BLTP1: variants seen among roughly 807,000 people sequenced by gnomAD.
The protein encoded by BLTP1 is bridge-like lipid transfer protein family member 1.
chr4:122,190,146 G>T, the BLTP1 span: 1 of 1,591,960 alleles, frequency 6.3e-7, no homozygotes. Flanking sequence ...ACACAGGCTG[G>T]AATGCAGTGG....
At chr4:122,225,571 C>G in the BLTP1 span, 1 of 151,842 alleles carries the variant, frequency 6.6e-6, no homozygotes, top group East Asian at 1.9e-4. Flanking sequence ...GCCCTTTATA[C>G]CTGGAAGAAA....
At chr4:122,190,361 G>T in the BLTP1 span, 4 of 867,550 alleles carry the variant, frequency 4.6e-6, no homozygotes, top group Non-Finnish European at 5.5e-6. Context: ...CTCCCAAAGT[G>T]CTGGGATTGT....
chr4:122,238,279 A>G, the BLTP1 span: 59 of 1,614,024 alleles, frequency 3.7e-5, no homozygotes, highest in Non-Finnish European at 4.5e-5. Flanking sequence ...AAAGTCCTTC[A>G]TCTGTTGCTG....
chr4:122,195,523 A>G, the BLTP1 span: 2 of 152,150 alleles, frequency 1.3e-5, no homozygotes, highest in African/African-American at 2.4e-5. Flanking sequence ...GACAGATGTA[A>G]TGAACTCATT....
At chr4:122,160,819 C>T in the BLTP1 span, among the ~76,000 whole-genome samples, 1 of 152,056 alleles carries the variant, frequency 6.6e-6, no homozygotes, top group Non-Finnish European at 1.5e-5. Flanking sequence ...GGATCAATTA[C>T]TTGGTGTTTT....
At chr4:122,159,076 T>C in the BLTP1 span, among the ~76,000 whole-genome samples, 1 of 152,252 alleles carries the variant, frequency 6.6e-6, no homozygotes, top group Non-Finnish European at 1.5e-5. Flanking sequence ...TCACTAGTAC[T>C]TGTGGAACTA....
the BLTP1 span, chr4:122,206,156 C>A: frequency 2.6e-6 from 2 of 757,164 alleles, no homozygotes; most frequent in Non-Finnish European, 3.2e-6. Context: ...CTAAGAAAGT[C>A]AAGTCTATGT....
At chr4:122,286,681 A>C in the BLTP1 span, 1 of 1,613,946 alleles carries the variant, frequency 6.2e-7, no homozygotes, top group Non-Finnish European at 8.5e-7. Context: ...GAAATATATA[A>C]TGGAAGAACA....
chr4:122,319,590 G>A, the BLTP1 span, among the ~76,000 whole-genome samples: 1 of 142,414 alleles, frequency 7.0e-6, no homozygotes, highest in Non-Finnish European at 1.5e-5. Context: ...TGCCCAGATT[G>A]GAGTGAAGTG....
chr4:122,250,554 A>C, the BLTP1 span: 1 of 1,613,684 alleles, frequency 6.2e-7, no homozygotes, highest in Non-Finnish European at 8.5e-7. Context: ...TTAAATGGAA[A>C]TTCTGTTTCA....
At chr4:122,355,376 A>G in the BLTP1 span, among the ~76,000 whole-genome samples, 4 of 152,034 alleles carry the variant, frequency 2.6e-5, no homozygotes, top group African/African-American at 9.6e-5. Flanking sequence ...TGAAGTGTTC[A>G]ATCTATGGAG....
chr4:122,175,210 A>G, the BLTP1 span: 1 of 984,434 alleles, frequency 1.0e-6, no homozygotes, highest in Non-Finnish European at 1.2e-6. Context: ...GAATTAATTG[A>G]GAGGTGCTAG....
chr4:122,244,894 C>G, the BLTP1 span: 2 of 1,221,566 alleles, frequency 1.6e-6, no homozygotes, highest in Non-Finnish European at 2.2e-6. Context: ...CTTAGACATT[C>G]TCATTTCAAT....
chr4:122,339,352 G>A, the BLTP1 span: 2 of 1,613,308 alleles, frequency 1.2e-6, no homozygotes, highest in Middle Eastern at 1.7e-4. Context: ...TTATCCCCTG[G>A]AGGTAATGCT....
At chr4:122,350,290 G>A in the BLTP1 span, 1 of 985,400 alleles carries the variant, frequency 1.0e-6, no homozygotes, top group African/African-American at 1.7e-5. Flanking sequence ...TCCCCCTGCT[G>A]CAGTGCATCT....
At chr4:122,346,074 T>C in the BLTP1 span, 2 of 929,468 alleles carry the variant, frequency 2.2e-6, no homozygotes, top group Non-Finnish European at 2.6e-6. Flanking sequence ...ACAGAAATTT[T>C]AGCTGTGGGA....
chr4:122,258,163 TTTA>T, the BLTP1 span, among the ~76,000 whole-genome samples: 2 of 152,204 alleles, frequency 1.3e-5, no homozygotes, highest in Non-Finnish European at 2.9e-5. Flanking sequence ...AAGATTAATT[TTTA>T]TTATCATGAC....
At chr4:122,155,523 C>T in the BLTP1 span, among the ~76,000 whole-genome samples, 1 of 152,022 alleles carries the variant, frequency 6.6e-6, no homozygotes, top group Non-Finnish European at 1.5e-5. Flanking sequence ...AGAGTTTCAC[C>T]ATGTTGGCCA....
the BLTP1 span, chr4:122,164,453 G>C: frequency 1.0e-6 from 1 of 981,764 alleles, no homozygotes; most frequent in Non-Finnish European, 1.2e-6. Context: ...CCACTGATTA[G>C]ATTAGATTCA....
Sources: gnomAD v4.1 joint callset for allele counts (sites outside exome capture counted in the v4.1 genomes callset) on GRCh38, gnomAD v4.1.1 for gene constraint, MANE v1.5 for transcripts, NCBI Gene and HGNC (gene_info 2026-07-23, HGNC 2026-07-21) for gene names.